The following ESRP1 variants were observed in gnomAD, a reference collection of about 807,000 sequenced individuals.
ESRP1 encodes RNA-binding motif protein 35A.
A neutral mutation model predicts 81.7 loss-of-function variants in ESRP1; 33 were observed. The observed-to-expected ratio is 0.40, with a 90% confidence interval of 0.31 to 0.54. The LOEUF is 0.54. Among genes scored for constraint, ESRP1 ranks in the 20% least tolerant of loss-of-function variants. The pLI is 0.41. For missense variants in ESRP1, 672 were observed against 833.1 expected (o/e 0.81, Z 2.38); for synonymous variants, 320 against 303.3 (o/e 1.06, Z -0.57).
chr8:94,655,065 T>TTTTGTGTGTG (rs545869490), intron 4 of ESRP1, among the ~76,000 whole-genome samples: 23 of 147,632 alleles, frequency 1.6e-4, no homozygotes, highest in East Asian at 1.0e-3. Context: ...TTTGGGTTTT[T>TTTTGTGTGTG]TGTGTGTGTG....
rs1010463899 is a variant in ESRP1 at position 94,706,030 on chromosome 8, T to C, written c.*141T>C. The C allele has an allele frequency of 9.5e-6, 13 of 1,362,254 alleles. No homozygotes were observed. Among genetic ancestry groups the C allele is most frequent in the Non-Finnish European group, 1.3e-5 (13 of 1,004,176 alleles). The allele number at this position is 1,362,254 out of a possible 1,614,324, so 84.4% of individuals were successfully genotyped here. ...TCAGGCTGCAGTATTTTCAGCAAAC[T>C]TGATTGGACAAACGGGCCTGTGCCT... On this transcript the variant is annotated 3_prime_UTR_variant, in exon 16 of 16. Transcript: ENST00000433389.
At chr8:94,643,893 G>T (rs1012550100) in intron 3 of ESRP1, among the ~76,000 whole-genome samples, 4 of 152,044 alleles carry the variant, frequency 2.6e-5, no homozygotes, top group Admixed American at 2.6e-4. Flanking sequence ...AAGGAAAAAA[G>T]AATTAAACAT....
intron 15 of ESRP1, among the ~76,000 whole-genome samples, chr8:94,701,192 T>C (rs1452867257): frequency 6.7e-6 from 1 of 149,868 alleles, no homozygotes; most frequent in African/African-American, 2.5e-5. Context: ...GGGGAATTGC[T>C]TGAACCTGGG....
intron 10 of ESRP1, 107 bp downstream of exon 10, chr8:94,668,357 C>T: frequency 9.1e-7 from 1 of 1,096,032 alleles, no homozygotes; most frequent in Non-Finnish European, 1.3e-6. Context: ...TGGCAAAATA[C>T]TAAAAGTGTA....
chr8:94,689,924 C>G (rs1467447215), intron 13 of ESRP1, among the ~76,000 whole-genome samples: 1 of 150,002 alleles, frequency 6.7e-6, no homozygotes, highest in Non-Finnish European at 1.5e-5. Flanking sequence ...TCATGCCATT[C>G]TCCTGCCTCA....
chr8:94,664,141 T>TTTTTTTTTTTTG (rs138058879), intron 6 of ESRP1, among the ~76,000 whole-genome samples: 2 of 124,590 alleles, frequency 1.6e-5, no homozygotes, highest in Non-Finnish European at 1.8e-5. Flanking sequence ...TTTTTTTTTT[T>TTTTTTTTTTTTG]GAGAGGGAGT....
chr8:94,650,024 CCTT>C (rs1489747726), intron 4 of ESRP1, among the ~76,000 whole-genome samples: 3 of 152,140 alleles, frequency 2.0e-5, no homozygotes, highest in Non-Finnish European at 4.4e-5. Context: ...CCCTTCCTCT[CCTT>C]CTCTCCCCGT....
chr8:94,694,640 A>G (rs1021090637), intron 14 of ESRP1, among the ~76,000 whole-genome samples: 1 of 152,154 alleles, frequency 6.6e-6, no homozygotes, highest in Non-Finnish European at 1.5e-5. Flanking sequence ...GTGGGTATTT[A>G]TTTTACCACA....
intron 15 of ESRP1, among the ~76,000 whole-genome samples, chr8:94,704,865 A>G (rs1810001803): frequency 6.6e-6 from 1 of 151,164 alleles, no homozygotes; most frequent in Non-Finnish European, 1.5e-5. Context: ...CCCTGTTTCA[A>G]AACAATATAT....
intron 4 of ESRP1, among the ~76,000 whole-genome samples, chr8:94,660,740 AAAACC>A (rs1818695807): frequency 1.6e-5 from 2 of 121,724 alleles, no homozygotes; most frequent in African/African-American, 5.6e-5. Flanking sequence ...AAAAAAAAAA[AAAACC>A]AAAACAAACA....
At chr8:94,655,065 T>TTTTTTTG (rs545869490) in intron 4 of ESRP1, among the ~76,000 whole-genome samples, 3 of 147,528 alleles carry the variant, frequency 2.0e-5, no homozygotes, top group African/African-American at 7.4e-5. Context: ...TTTGGGTTTT[T>TTTTTTTG]TGTGTGTGTG....
At chr8:94,684,122 C>T (rs1809041071) in intron 13 of ESRP1, among the ~76,000 whole-genome samples, 1 of 148,906 alleles carries the variant, frequency 6.7e-6, no homozygotes, top group African/African-American at 2.5e-5. Flanking sequence ...GCTGGGATTA[C>T]AGGTGTGAGC....
At chr8:94,702,279 C>G (rs1809871456) in intron 15 of ESRP1, among the ~76,000 whole-genome samples, 1 of 151,996 alleles carries the variant, frequency 6.6e-6, no homozygotes, top group Admixed American at 6.6e-5. Context: ...AGCAACAGGG[C>G]TTTGCTTTTT....
At chr8:94,645,488 G>A (rs556944776) in intron 3 of ESRP1, among the ~76,000 whole-genome samples, 5 of 151,840 alleles carry the variant, frequency 3.3e-5, no homozygotes, top group South Asian at 2.1e-4. Flanking sequence ...GCTTTGCTTC[G>A]TAGCCACGGT....
intron 15 of ESRP1, 62 bp downstream of exon 15, chr8:94,697,023 G>T: frequency 8.7e-7 from 1 of 1,146,952 alleles, no homozygotes; most frequent in Non-Finnish European, 1.2e-6. Flanking sequence ...AGATTCTGAA[G>T]GCATTTAGAA....
chr8:94,667,900 G>A, intron 9 of ESRP1, 49 bp from the exon 10 acceptor site: 1 of 1,462,542 alleles, frequency 6.8e-7, no homozygotes, highest in East Asian at 2.3e-5. Flanking sequence ...CGGTAAAGTT[G>A]ATGTCTTAAC....
At chr8:94,662,874 TG>T (rs1416124020) in intron 6 of ESRP1, among the ~76,000 whole-genome samples, 1 of 152,256 alleles carries the variant, frequency 6.6e-6, no homozygotes, top group Admixed American at 6.5e-5. Flanking sequence ...CCCAAAGTGC[TG>T]GGATTACAGG....
intron 4 of ESRP1, among the ~76,000 whole-genome samples, chr8:94,660,709 CAAAAAAAAAAAAAAAAA>C (rs60316449): frequency 5.5e-4 from 24 of 43,542 alleles, no homozygotes; most frequent in African/African-American, 2.0e-3. Context: ...GAGACTATCT[CAAAAAAAAAAAAAAAAA>C]AAAAAAAAAA....
At chr8:94,654,029 A>G (rs569655180) in intron 4 of ESRP1, among the ~76,000 whole-genome samples, 1 of 152,262 alleles carries the variant, frequency 6.6e-6, no homozygotes, top group African/African-American at 2.4e-5. Context: ...TTAATTATAA[A>G]ATATTTTGGC....
Sources: allele counts gnomAD v4.1 joint callset (sites outside exome capture counted in the v4.1 genomes callset), GRCh38; gene constraint gnomAD v4.1.1; transcripts MANE v1.5; gene names NCBI Gene and HGNC (gene_info 2026-07-23, HGNC 2026-07-21).